The following ASH1L variants were observed in gnomAD, a reference collection of about 807,000 sequenced individuals.
ASH1L encodes the protein ASH1 like histone lysine methyltransferase.
In ASH1L, 23 loss-of-function variants were observed where a neutral mutation model predicts 269.0. That is an observed-to-expected ratio of 0.09 (90% CI 0.06 to 0.12). The LOEUF is 0.12. Ranked by LOEUF, ASH1L falls within the 10% of genes least tolerant of loss-of-function variation. The pLI is 1.00. For missense variants in ASH1L, 2,912 were observed against 3,567.8 expected, an observed-to-expected ratio of 0.82 and a Z score of 4.68; for synonymous variants, 1,187 against 1,253.5, an observed-to-expected ratio of 0.95 and a Z score of 1.12.
chr1:155,562,181 A>T lies in ASH1L; in HGVS notation c.-128T>A. On this transcript the variant is annotated 5_prime_UTR_variant, in exon 1 of 28. Coordinates refer to ENST00000392403, the MANE Select transcript of ASH1L (RefSeq NM_018489.3). ...GTCGGAGGCCGAGGCCGAGGCCGAG[A>T]GCGATGAGAGTGCAGGGAAGTGGGG... The T allele has an allele frequency of 4.4e-6, 7 of 1,601,882 alleles. No individual in the cohort carries two copies. Among genetic ancestry groups the T allele is most frequent in the Non-Finnish European group, 6.0e-6 (7 of 1,170,434 alleles).
At chr1:155,513,609 G>A (rs1668312083) in intron 2 of ASH1L, among the ~76,000 whole-genome samples, 1 of 151,224 alleles carries the variant, frequency 6.6e-6, no homozygotes, top group Admixed American at 6.6e-5. Context: ...TGTCCAGCCT[G>A]GGTGACACAG....
intron 1 of ASH1L, among the ~76,000 whole-genome samples, chr1:155,530,235 C>A (rs1464217594): frequency 6.6e-6 from 1 of 152,166 alleles, no homozygotes; most frequent in Admixed American, 6.5e-5. Flanking sequence ...ACTCTTCTTA[C>A]CACCTGGTGT....
chr1:155,526,115 T>A (rs1431305141), intron 1 of ASH1L, among the ~76,000 whole-genome samples: 1 of 152,206 alleles, frequency 6.6e-6, no homozygotes, highest in East Asian at 1.9e-4. Flanking sequence ...AATTAAAATA[T>A]AAGCTTCATG....
intron 3 of ASH1L, among the ~76,000 whole-genome samples, chr1:155,477,548 T>C (rs1665651869): frequency 6.6e-6 from 1 of 152,148 alleles, no homozygotes; most frequent in South Asian, 2.1e-4. Context: ...TGGGAGATCC[T>C]GCATACTACT....
chr1:155,362,136 A>G (rs1051807020), intron 12 of ASH1L, among the ~76,000 whole-genome samples: 1 of 152,042 alleles, frequency 6.6e-6, no homozygotes, highest in Admixed American at 6.6e-5. Context: ...CCCGGGTTCA[A>G]GAGATTCTCC....
chr1:155,451,089 C>A (rs944809514), intron 4 of ASH1L, among the ~76,000 whole-genome samples: 2 of 149,790 alleles, frequency 1.3e-5, no homozygotes, highest in African/African-American at 4.9e-5. Context: ...CCCAGCTACT[C>A]GGGAGGCTAA....
intron 1 of ASH1L, 33 bp downstream of exon 1, chr1:155,562,120 G>A (rs1300193828): frequency 7.2e-7 from 1 of 1,381,324 alleles, no homozygotes. Flanking sequence ...AGAGTGCTTA[G>A]GCCCGAATGC....
At chr1:155,359,060 C>T (rs1384323287) in intron 13 of ASH1L, among the ~76,000 whole-genome samples, 2 of 152,168 alleles carry the variant, frequency 1.3e-5, no homozygotes, top group Admixed American at 1.3e-4. Flanking sequence ...ATTAAGGCTG[C>T]AGTGAGCCAT....
chr1:155,352,679 A>G (rs903045722), intron 17 of ASH1L, 27 bp downstream of exon 17: 84 of 1,554,020 alleles, frequency 5.4e-5, no homozygotes, highest in Non-Finnish European at 6.8e-5. Context: ...AGAAAAAAAG[A>G]ACGAATTTGA....
At position 155,562,744 on chromosome 1, in the gene ASH1L, G is replaced by C; in HGVS notation, c.-691C>G. On this transcript the variant is annotated 5_prime_UTR_variant, in exon 1 of 28. Transcript: ENST00000392403. ...AGTCCCTCACTACCCCTCAGGCCCT[G>C]TCAAGCCGGCGCCGGCGCAGGCCCT... 1 of 1,258,322 alleles carries C rather than the reference G, an allele frequency of 7.9e-7. No individual in the cohort carries two copies. Among genetic ancestry groups the C allele is most frequent in the Non-Finnish European group, 1.1e-6 (1 of 902,462 alleles). The allele number at this position is 1,258,322 out of a possible 1,614,324, so 77.9% of individuals were successfully genotyped here. A position where few individuals can be genotyped will look rare whatever the true frequency, so the allele number is the denominator to read the frequency against.
chr1:155,369,217 G>A (rs1302264267), intron 12 of ASH1L, among the ~76,000 whole-genome samples: 3 of 152,188 alleles, frequency 2.0e-5, no homozygotes, highest in Non-Finnish European at 2.9e-5. Flanking sequence ...GCCGAGGCGG[G>A]CGGATCACAA....
intron 4 of ASH1L, among the ~76,000 whole-genome samples, chr1:155,445,881 T>C (rs536887687): frequency 3.3e-5 from 5 of 152,236 alleles, no homozygotes; most frequent in Admixed American, 3.3e-4. Context: ...TGTGTTTGTG[T>C]GTGTGTACAT....
intron 6 of ASH1L, among the ~76,000 whole-genome samples, chr1:155,399,718 C>A (rs1259591600): frequency 7.0e-6 from 1 of 143,210 alleles, no homozygotes; most frequent in African/African-American, 2.6e-5. Context: ...CTAAGTTCTA[C>A]AAAAGGAGAA....
intron 1 of ASH1L, among the ~76,000 whole-genome samples, chr1:155,558,169 A>G (rs947523191): frequency 2.6e-5 from 4 of 152,164 alleles, no homozygotes. Flanking sequence ...AGTACCTAGC[A>G]AGTTATTAAG....
chr1:155,443,918 A>G (rs1255130329), intron 4 of ASH1L, among the ~76,000 whole-genome samples: 5 of 148,386 alleles, frequency 3.4e-5, no homozygotes, highest in Non-Finnish European at 7.4e-5. Flanking sequence ...TGCACATGAC[A>G]TTTTGTTTAA....
intron 1 of ASH1L, among the ~76,000 whole-genome samples, chr1:155,539,024 G>C (rs1301332364): frequency 6.6e-6 from 1 of 152,134 alleles, no homozygotes; most frequent in African/African-American, 2.4e-5. Context: ...CTCTCTGGAA[G>C]CCACTCCTGA....
chr1:155,370,368 C>T, intron 12 of ASH1L, 136 bp downstream of exon 12: 1 of 1,057,900 alleles, frequency 9.5e-7, no homozygotes. Flanking sequence ...GCTTACTCTG[C>T]CCGTGGGATC....
intron 5 of ASH1L, among the ~76,000 whole-genome samples, chr1:155,434,900 G>A (rs1460589919): frequency 1.3e-5 from 2 of 152,052 alleles, no homozygotes; most frequent in African/African-American, 4.8e-5. Flanking sequence ...AGTCATGCCT[G>A]TAATCACAGT....
intron 2 of ASH1L, among the ~76,000 whole-genome samples, chr1:155,491,892 C>T (rs983707352): frequency 1.5e-4 from 23 of 152,084 alleles, no homozygotes; most frequent in Admixed American, 2.6e-4. Context: ...AGGCTGGTCT[C>T]GAACTCTGGA....
Sources: allele counts gnomAD v4.1 joint callset (sites outside exome capture counted in the v4.1 genomes callset), GRCh38; gene constraint gnomAD v4.1.1; transcripts MANE v1.5; gene names NCBI Gene and HGNC (gene_info 2026-07-23, HGNC 2026-07-21).